Variants in CDCA7L observed in about 807,000 individuals in gnomAD.
CDCA7L encodes cell division cycle-associated 7-like protein.
In CDCA7L, 44 loss-of-function variants were observed where a neutral mutation model predicts 57.4. The observed-to-expected ratio is 0.77, with a 90% CI of 0.60 to 0.98. The LOEUF (loss-of-function observed/expected upper bound fraction) is 0.98. Ranked by LOEUF, CDCA7L falls within the 50% of genes least tolerant of loss-of-function variation. The pLI, the probability that CDCA7L is intolerant of heterozygous loss-of-function variation, is 0.00. For synonymous variants in CDCA7L, 236 were observed against 202.8 expected (o/e 1.16, Z -1.39); for missense variants, 644 against 580.6 (o/e 1.11, Z -1.12).
intron 1 of CDCA7L, among the ~76,000 whole-genome samples, chr7:21,924,518 T>C (rs576949293): frequency 1.3e-5 from 2 of 152,214 alleles, no homozygotes; most frequent in Non-Finnish European, 2.9e-5. Context: ...TATTTTCTTA[T>C]GCAAAATCAT....
chr7:21,911,521 C>G, intron 3 of CDCA7L, 96 bp downstream of exon 3: 1 of 1,405,652 alleles, frequency 7.1e-7, no homozygotes, highest in South Asian at 1.5e-5. Flanking sequence ...TAAGAAAAAT[C>G]TTTTCACTTG....
At chr7:21,908,077 A>C in intron 4 of CDCA7L, 53 bp downstream of exon 4, 2 of 1,490,284 alleles carry the variant, frequency 1.3e-6, no homozygotes, top group South Asian at 1.4e-5. Context: ...GAGCCCAGCA[A>C]CTGCTGCCAG....
chr7:21,906,604 T>C lies in CDCA7L; in HGVS notation c.717A>G (p.Pro239=), dbSNP rs1165835220. 6.2e-7 allele frequency: 1 copy of C among 1,614,146 alleles called. No homozygotes were observed. Among genetic ancestry groups the C allele is most frequent in the East Asian group, 2.2e-5 (1 of 44,886 alleles). The change falls in exon 5 of 10, where the codon CCA becomes CCG. Residue 239 remains proline, a synonymous_variant. Coordinates refer to ENST00000406877, the MANE Select transcript of CDCA7L (RefSeq NM_018719.5). ...TTGGGGTTCGTACTGGGAAGAAATC[T>C]GGCATCGAGTTCAATTCCGCCAATA... ...AQLLAELNSM[P]DFFPVRTPTS...
At position 21,902,259 on chromosome 7, in the gene CDCA7L, A is replaced by AATGGTATGC. The variant is rs1784924366; in HGVS notation, c.*54_*62dup. ...TGTAAAAAAATCTTTCTTAGGCACC[A>AATGGTATGC]ATGGTATGCATGTCTTGTTGGAGTA... On this transcript the variant is annotated 3_prime_UTR_variant, in exon 10 of 10. Transcript: ENST00000406877. The AATGGTATGC allele has an allele frequency of 1.9e-5, 27 of 1,450,760 alleles. No individual in the cohort carries two copies. The highest frequency in any genetic ancestry group is 4.2e-5 in the African/African-American group (3 of 71,658). 89.9% of individuals were successfully genotyped at this position (1,450,760 alleles called of 1,614,324 possible). A position where few individuals can be genotyped will look rare whatever the true frequency, so the allele number is the denominator to read the frequency against.
chr7:21,945,389 G>A (rs1176810634), intron 1 of CDCA7L, among the ~76,000 whole-genome samples: 1 of 151,970 alleles, frequency 6.6e-6, no homozygotes, highest in East Asian at 1.9e-4. Flanking sequence ...ACTTTCTTAA[G>A]CTTCCTGATC....
At chr7:21,933,509 A>T (rs1262870366) in intron 1 of CDCA7L, among the ~76,000 whole-genome samples, 4 of 152,212 alleles carry the variant, frequency 2.6e-5, no homozygotes, top group Non-Finnish European at 5.9e-5. Context: ...AGGGACATGG[A>T]TGAAGCAGGA....
rs76224336 is a variant in CDCA7L at position 21,925,390 on chromosome 7, G to A, written c.25-8496C>T. Among the ~76,000 whole-genome samples, 1,326 of 152,266 alleles carry A rather than the reference G, an allele frequency of 8.7e-3. 19 individuals carry two copies. The highest frequency in any genetic ancestry group is 0.074 in the South Asian group (355 of 4,826). On this transcript the variant is annotated intron_variant, in intron 1 of 9. Transcript: ENST00000406877. ...TGCTCAATGATGGGGAAGGTGTGAG[G>A]AGACAAACACTTCTATACAGAACTG...
intron 9 of CDCA7L, 27 bp downstream of exon 9, chr7:21,902,939 ATTTCAAGCTGTT>A: frequency 1.3e-6 from 2 of 1,599,524 alleles, no homozygotes; most frequent in South Asian, 1.1e-5. Flanking sequence ...CAGCCTCAAG[ATTTCAAGCTGTT>A]TTGTAAGCTG....
In CDCA7L at chr7:21,902,118, A is replaced by ACATCTATATAGATT. The variant is rs2128054844; in HGVS notation, c.*190_*203dup. On this transcript the variant is annotated 3_prime_UTR_variant, in exon 10 of 10. Transcript: ENST00000406877. ...TCAGCATACAGACAGGTCTGTGCAT[A>ACATCTATATAGATT]CATCTATATAGATTCCTCTGCTCTG... 1.6e-6 allele frequency: 1 copy of ACATCTATATAGATT among 606,204 alleles called. No homozygotes were observed. Among genetic ancestry groups the ACATCTATATAGATT allele is most frequent in the African/African-American group, 1.9e-5 (1 of 53,952 alleles). The allele number at this position is 606,204 out of a possible 1,614,324, so 37.6% of individuals were successfully genotyped here.
chr7:21,917,108 G>T (rs1194757783), intron 1 of CDCA7L, among the ~76,000 whole-genome samples: 2 of 152,224 alleles, frequency 1.3e-5, no homozygotes, highest in Non-Finnish European at 1.5e-5. Context: ...TAAAATTCTA[G>T]ATATACACCC....
intron 2 of CDCA7L, among the ~76,000 whole-genome samples, chr7:21,914,644 A>T (rs1233740181): frequency 6.6e-6 from 1 of 152,200 alleles, no homozygotes; most frequent in African/African-American, 2.4e-5. Flanking sequence ...GGTAGGAAAG[A>T]GACCCGGCGG....
Position 21,908,299 on chromosome 7 carries a change from C to T in CDCA7L, c.512G>A (p.Arg171His), listed in dbSNP as rs201734057. The part of the protein sequence containing the change: ...SSSEQLFSSA[R>H]LQNEKKTILE... ...AATTGTTTTTTTCTCATTCTGTAAG[C>T]GTGCGCTAGAAAACAACTGCTCGGA... Residue 171 changes from arginine (R) to histidine (H), a missense_variant, in exon 4 of 10, where the codon CGC becomes CAC. Physicochemically the swap from Arg to His is conservative, Grantham distance 29. Transcript: ENST00000406877. 6.6e-5 allele frequency: 107 copies of T among 1,611,348 alleles called. No homozygotes were observed. Among genetic ancestry groups the T allele is most frequent in the Admixed American group, 8.4e-5 (5 of 59,278 alleles).
At chr7:21,902,762 G>C (rs1472547067) in intron 9 of CDCA7L, 10 of 537,080 alleles carry the variant, frequency 1.9e-5, no homozygotes, top group Non-Finnish European at 2.9e-5. Context: ...GCAACGTGGA[G>C]TTGAGTTGAA....
In CDCA7L at chr7:21,900,904, C is replaced by T. The variant is rs1161563364; in HGVS notation, c.*1418G>A. ...ATACCACTGACAAGCAAAAATATGA[C>T]AAAACCAGAATGTTGAATGTTTATT... On this transcript the variant is annotated 3_prime_UTR_variant, in exon 10 of 10. Coordinates refer to ENST00000406877, the MANE Select transcript of CDCA7L (RefSeq NM_018719.5). 3.8e-5 allele frequency: 56 copies of T among 1,476,118 alleles called. No individual in the cohort carries two copies. Among genetic ancestry groups the T allele is most frequent in the Non-Finnish European group, 4.8e-5 (54 of 1,113,484 alleles). 91.4% of individuals were successfully genotyped at this position (1,476,118 alleles called of 1,614,324 possible).
At chr7:21,915,929 G>A (rs980773466) in intron 2 of CDCA7L, among the ~76,000 whole-genome samples, 1 of 152,126 alleles carries the variant, frequency 6.6e-6, no homozygotes, top group Admixed American at 6.5e-5. Flanking sequence ...AACTGCTGTG[G>A]AGATGCCAAA....
At chr7:21,917,653 TTCTC>T (rs1785525597) in intron 1 of CDCA7L, among the ~76,000 whole-genome samples, 1 of 152,192 alleles carries the variant, frequency 6.6e-6, no homozygotes, top group Non-Finnish European at 1.5e-5. Flanking sequence ...TTTGCTTTCT[TTCTC>T]TGTTTCAACA....
Position 21,908,362 on chromosome 7 carries a change from G to C in CDCA7L, c.449C>G (p.Thr150Ser). Residue 150 changes from threonine (T) to serine (S), a missense_variant, in exon 4 of 10, where the codon ACC (threonine) becomes AGC (serine). Thr to Ser is a moderately conservative substitution (Grantham distance 58, BLOSUM62 1). Transcript: ENST00000406877. ...IGLRVAFQFP[T>S]KKLANKPDKN... is the part of the protein sequence containing the mutation. ...ATCTGGTTTGTTGGCCAGCTTCTTG[G>C]TGGGGAACTGAAAGGCTACTCGAAG... 13 of 1,610,752 alleles carry C rather than the reference G, an allele frequency of 8.1e-6. No individual in the cohort carries two copies. The highest frequency in any genetic ancestry group is 1.1e-5 in the Non-Finnish European group (13 of 1,179,192).
intron 1 of CDCA7L, chr7:21,944,580 G>A (rs1410051589): frequency 6.6e-6 from 1 of 151,982 alleles, no homozygotes; most frequent in Admixed American, 6.6e-5. Flanking sequence ...TCTCACAGGA[G>A]GCATTTTAAA....
intron 1 of CDCA7L, among the ~76,000 whole-genome samples, chr7:21,919,153 T>G (rs183158866): frequency 1.2e-3 from 182 of 152,216 alleles, no homozygotes; most frequent in African/African-American, 4.2e-3. Context: ...AAAGAGAAAT[T>G]TTCAGATTTT....
Sources: gnomAD v4.1 joint callset for allele counts (sites outside exome capture counted in the v4.1 genomes callset) on GRCh38, gnomAD v4.1.1 for gene constraint, MANE v1.5 for transcripts, NCBI Gene and HGNC (gene_info 2026-07-23, HGNC 2026-07-21) for gene names.